Variants in RARB observed in about 807,000 individuals in gnomAD.
RARB encodes HBV-activated protein.
In RARB, 17 loss-of-function variants were observed where a neutral mutation model predicts 51.9. The observed-to-expected ratio is 0.33, with a 90% CI of 0.22 to 0.49. The LOEUF is 0.49. Among genes scored for constraint, RARB ranks in the 20% least tolerant of loss-of-function variants. The pLI, the probability that RARB is intolerant of heterozygous loss-of-function variation, is 0.99. For synonymous variants in RARB, 215 were observed against 195.4 expected, an observed-to-expected ratio of 1.10 and a Z score of -0.84; for missense variants, 369 against 550.8, an observed-to-expected ratio of 0.67 and a Z score of 3.30.
At chr3:25,475,387 T>C (rs1216973218) in intron 2 of RARB, among the ~76,000 whole-genome samples, 1 of 151,482 alleles carries the variant, frequency 6.6e-6, no homozygotes, top group East Asian at 2.0e-4. Flanking sequence ...GATAAGCTAT[T>C]ATCCAAATAA....
At chr3:25,133,544 G>T (rs1004584810) in intron 4 of RARB, among the ~76,000 whole-genome samples, 2 of 151,990 alleles carry the variant, frequency 1.3e-5, no homozygotes, top group African/African-American at 4.8e-5. Flanking sequence ...TTGAGGCAAA[G>T]CTAGGAATAA....
intron 2 of RARB, among the ~76,000 whole-genome samples, chr3:25,481,885 G>A (rs886759789): frequency 6.6e-6 from 1 of 152,106 alleles, no homozygotes; most frequent in Non-Finnish European, 1.5e-5. Context: ...TACTGTTTTA[G>A]GCTATTAACA....
rs1245160131 is a variant in RARB at position 25,597,354 on chromosome 3, AAT to A, written c.*739_*740del. On this transcript the variant is annotated 3_prime_UTR_variant, in exon 8 of 8. Coordinates refer to ENST00000330688, the MANE Select transcript of RARB (RefSeq NM_000965.5). ...ATCAAATGTCATTTGTTCAATTGTT[AAT>A]GTCACTTTAAATTAAAAGTGGTTTA... 6.5e-6 allele frequency: 1 copy of A among 152,720 alleles called. No individual in the cohort carries two copies. Among genetic ancestry groups the A allele is most frequent in the South Asian group, 2.1e-4 (1 of 4,830 alleles). The allele number at this position is 152,720 out of a possible 1,614,324, so 9.5% of individuals were successfully genotyped here.
At chr3:25,146,904 C>T (rs1028438644) in intron 4 of RARB, among the ~76,000 whole-genome samples, 6 of 152,136 alleles carry the variant, frequency 3.9e-5, no homozygotes, top group African/African-American at 9.7e-5. Flanking sequence ...ATACCAGAGA[C>T]CCTTCCTTTG....
intron 2 of RARB, among the ~76,000 whole-genome samples, chr3:25,500,482 GGTT>G (rs1214626364): frequency 4.7e-4 from 16 of 34,352 alleles, no homozygotes; most frequent in African/African-American, 1.7e-3. Context: ...TTTTTTTTTT[GGTT>G]GTTGTTGTTG....
At chr3:24,864,945 T>C (rs1034343444) in intron 2 of RARB, among the ~76,000 whole-genome samples, 2 of 152,318 alleles carry the variant, frequency 1.3e-5, no homozygotes, top group Non-Finnish European at 2.9e-5. Flanking sequence ...AACTGTACTT[T>C]GAAAAGACTC....
chr3:25,159,617 A>C (rs187900680), intron 4 of RARB, among the ~76,000 whole-genome samples: 1 of 152,110 alleles, frequency 6.6e-6, no homozygotes, highest in Non-Finnish European at 1.5e-5. Flanking sequence ...TATTGCACAC[A>C]TGGCTTCATT....
Position 25,098,089 on chromosome 3 carries a change from T to G in RARB, c.-327-34072T>G, listed in dbSNP as rs1266374261. ...ATGCAGAAAAATATACACACACAGC[T>G]ATGAGTTTTCACCAAGAGCAAGGGG... is the stretch of plus-strand genomic sequence containing the variant. On this transcript the variant is annotated intron_variant, in intron 3 of 11. Transcript: ENST00000383772. Among the ~76,000 whole-genome samples the G allele has an allele frequency of 2.0e-5, 3 of 152,246 alleles. No individual in the cohort carries two copies. The East Asian group carries it at 5.8e-4, about 29-fold the overall frequency.
At chr3:25,024,710 G>C (rs971923974) in intron 2 of RARB, among the ~76,000 whole-genome samples, 1 of 152,122 alleles carries the variant, frequency 6.6e-6, no homozygotes, top group African/African-American at 2.4e-5. Context: ...CCAGCACTTT[G>C]GGAGGCCAAG....
chr3:25,017,131 C>T (rs554049337), intron 2 of RARB, among the ~76,000 whole-genome samples: 1 of 152,092 alleles, frequency 6.6e-6, no homozygotes, highest in East Asian at 1.9e-4. Context: ...TGGGAGATAC[C>T]GTTCCTGTCA....
At chr3:25,346,594 CA>C (rs1705401956) in intron 5 of RARB, among the ~76,000 whole-genome samples, 1 of 152,168 alleles carries the variant, frequency 6.6e-6, no homozygotes, top group Admixed American at 6.5e-5. Context: ...TGTGGGACAT[CA>C]CTTAAACTGT....
intron 2 of RARB, among the ~76,000 whole-genome samples, chr3:24,978,491 A>G (rs1696569031): frequency 6.6e-6 from 1 of 152,068 alleles, no homozygotes; most frequent in South Asian, 2.1e-4. Context: ...GGGAGGGTTT[A>G]TGTGTCCAGG....
At chr3:25,573,061 C>T (rs1256744133) in intron 4 of RARB, among the ~76,000 whole-genome samples, 2 of 152,078 alleles carry the variant, frequency 1.3e-5, no homozygotes, top group African/African-American at 4.8e-5. Context: ...AGAGATAAAC[C>T]CCCCCAGCTT....
intron 4 of RARB, among the ~76,000 whole-genome samples, chr3:25,580,096 C>T (rs966303023): frequency 2.0e-5 from 3 of 152,230 alleles, no homozygotes; most frequent in East Asian, 1.9e-4. Context: ...TGAATCCGAC[C>T]GGACACAGTG....
At chr3:25,376,748 T>G (rs923647745) in intron 5 of RARB, among the ~76,000 whole-genome samples, 2 of 152,234 alleles carry the variant, frequency 1.3e-5, no homozygotes, top group Non-Finnish European at 2.9e-5. Context: ...TTTGGCTCAT[T>G]GCATCCATGT....
intron 2 of RARB, among the ~76,000 whole-genome samples, chr3:24,989,510 G>A (rs13070860): frequency 0.4 from 36,172 of 91,380 alleles, 13,633 homozygotes; most frequent in African/African-American, 0.56. Flanking sequence ...ATATTGCAAG[G>A]TATTTTAATG....
chr3:25,421,573 G>A (rs1575389074), intron 5 of RARB, among the ~76,000 whole-genome samples: 1 of 151,568 alleles, frequency 6.6e-6, no homozygotes, highest in South Asian at 2.1e-4. Context: ...CACCATGCCC[G>A]GCTAATTTTT....
At chr3:25,247,778 C>T (rs181695924) in intron 5 of RARB, among the ~76,000 whole-genome samples, 5 of 152,288 alleles carry the variant, frequency 3.3e-5, no homozygotes, top group East Asian at 1.9e-4. Flanking sequence ...CCATCTTGCC[C>T]GGGAATCATT....
chr3:24,898,010 A>G (rs1003960643), intron 2 of RARB, among the ~76,000 whole-genome samples: 2 of 152,204 alleles, frequency 1.3e-5, no homozygotes, highest in African/African-American at 4.8e-5. Context: ...TCATCAGACA[A>G]ATGGAGGAAA....
Sources: allele counts gnomAD v4.1 joint callset (sites outside exome capture counted in the v4.1 genomes callset), GRCh38; gene constraint gnomAD v4.1.1; transcripts MANE v1.5; gene names NCBI Gene and HGNC (gene_info 2026-07-23, HGNC 2026-07-21).